Variants in PLS1 observed in about 807,000 individuals in gnomAD.
PLS1 encodes plastin-1.
Under a neutral mutation model 73.7 loss-of-function variants are expected in PLS1, and 32 were observed. The ratio of observed to expected loss-of-function variants is 0.43; its 90% confidence interval spans 0.33 to 0.58. The LOEUF is 0.58. Ranked by LOEUF, PLS1 falls within the 20% of genes least tolerant of loss-of-function variation. PLS1 has a pLI of 0.04. For missense variants in PLS1, 633 were observed against 740.5 expected (o/e 0.85, Z 1.68); for synonymous variants, 217 against 261.3 (o/e 0.83, Z 1.63).
chr3:142,676,219 A>G lies in PLS1; in HGVS notation c.427A>G (p.Lys143Glu). 6.2e-7 allele frequency: 1 copy of G among 1,612,990 alleles called. No homozygotes were observed. The highest frequency in any genetic ancestry group is 1.3e-5 in the African/African-American group (1 of 75,030). ...AGCCCTGGAGAATGACCCTGACTGT[A>G]AGCATCTTATACCCATGAATCCCAA... ...NKALENDPDCKHLIPMNPNDD... is the reference protein window; with the variant it reads ...NKALENDPDCEHLIPMNPNDD... The change falls in exon 5 of 16, where the codon AAG becomes GAG. Residue 143 changes from lysine to glutamate, a missense_variant. Transcript: ENST00000457734.
intron 6 of PLS1, among the ~76,000 whole-genome samples, chr3:142,683,424 A>G (rs2037896539): frequency 6.6e-6 from 1 of 152,234 alleles, no homozygotes; most frequent in Admixed American, 6.5e-5. Flanking sequence ...GAATGGCGTG[A>G]GCCCAGGAGG....
At chr3:142,653,163 T>C (rs1287957554) in intron 1 of PLS1, among the ~76,000 whole-genome samples, 3 of 152,204 alleles carry the variant, frequency 2.0e-5, no homozygotes, top group Non-Finnish European at 2.9e-5. Context: ...CGTGAATCTC[T>C]CTCATACCAA....
intron 1 of PLS1, among the ~76,000 whole-genome samples, chr3:142,623,790 C>G (rs971246503): frequency 5.3e-5 from 8 of 152,072 alleles, no homozygotes; most frequent in African/African-American, 1.9e-4. Context: ...TGAAAACTTT[C>G]TTCTGTAAGC....
At chr3:142,617,519 T>C (rs9856302) in intron 1 of PLS1, among the ~76,000 whole-genome samples, 96,721 of 151,904 alleles carry the variant, frequency 0.64, 32,290 homozygotes, top group African/African-American at 0.85. Flanking sequence ...GTGCTTCAGC[T>C]GTATTAATCG....
At chr3:142,696,727 AAT>A (rs1489961004) in intron 11 of PLS1, among the ~76,000 whole-genome samples, 4 of 106,254 alleles carry the variant, frequency 3.8e-5, no homozygotes, top group Non-Finnish European at 8.3e-5. Context: ...GCAAAATAAT[AAT>A]AATAATAATA....
chr3:142,633,921 T>C (rs1387503280), intron 1 of PLS1, among the ~76,000 whole-genome samples: 1 of 152,168 alleles, frequency 6.6e-6, no homozygotes, highest in Non-Finnish European at 1.5e-5. Flanking sequence ...GACAATGGCA[T>C]TAAAATGTAA....
At chr3:142,674,772 A>G (rs1470437340) in intron 4 of PLS1, among the ~76,000 whole-genome samples, 1 of 152,242 alleles carries the variant, frequency 6.6e-6, no homozygotes. Flanking sequence ...TCTGTTGCCC[A>G]GGCTGGAGTG....
At chr3:142,687,065 C>T (rs1384035134) in intron 9 of PLS1, among the ~76,000 whole-genome samples, 2 of 152,070 alleles carry the variant, frequency 1.3e-5, no homozygotes, top group Non-Finnish European at 2.9e-5. Flanking sequence ...AAGCATACTT[C>T]CTAGGAATCT....
Position 142,671,134 on chromosome 3 carries a change from C to T in PLS1, c.364+12C>T. On this transcript the variant is annotated intron_variant, in intron 4 of 15. Coordinates refer to ENST00000457734, the MANE Select transcript of PLS1 (RefSeq NM_001145319.2). ...GCATTCTTATTCAGGTAACTGACTT[C>T]TCCAAATTTGATCTTTTAGTCACTG... 1 of 1,607,962 alleles carries T rather than the reference C, an allele frequency of 6.2e-7. No individual in the cohort carries two copies. Among genetic ancestry groups the T allele is most frequent in the South Asian group, 1.1e-5 (1 of 90,510 alleles).
chr3:142,661,986 C>T (rs535051731), intron 1 of PLS1, among the ~76,000 whole-genome samples: 5 of 152,204 alleles, frequency 3.3e-5, no homozygotes, highest in Admixed American at 6.5e-5. Context: ...TTAGTTCAAC[C>T]GTTGTGGAAG....
intron 1 of PLS1, among the ~76,000 whole-genome samples, chr3:142,611,670 T>C (rs147211346): frequency 1.3e-5 from 2 of 152,312 alleles, no homozygotes; most frequent in Non-Finnish European, 2.9e-5. Flanking sequence ...ATATAGTATG[T>C]ATGTAGTGTT....
chr3:142,643,614 C>G (rs921441632), intron 1 of PLS1, among the ~76,000 whole-genome samples: 1 of 152,020 alleles, frequency 6.6e-6, no homozygotes, highest in African/African-American at 2.4e-5. Context: ...GTTCTGGGGT[C>G]CTAGTATACA....
At chr3:142,682,651 A>G (rs1482680974) in intron 6 of PLS1, among the ~76,000 whole-genome samples, 1 of 152,226 alleles carries the variant, frequency 6.6e-6, no homozygotes, top group East Asian at 1.9e-4. Context: ...GGGGAATCAC[A>G]ACTGGAGCAA....
At chr3:142,596,773 A>G (rs1025283261) in intron 1 of PLS1, among the ~76,000 whole-genome samples, 9 of 152,252 alleles carry the variant, frequency 5.9e-5, no homozygotes, top group Admixed American at 3.9e-4. Flanking sequence ...TTGTGATTCT[A>G]TGCAATGAAA....
At chr3:142,619,341 C>T (rs1344287316) in intron 1 of PLS1, 1 of 152,158 alleles carries the variant, frequency 6.6e-6, no homozygotes, top group Non-Finnish European at 1.5e-5. Context: ...CCATATGCTC[C>T]CCTGCTTCCG....
chr3:142,629,725 C>A (rs2036512962), intron 1 of PLS1, among the ~76,000 whole-genome samples: 1 of 152,164 alleles, frequency 6.6e-6, no homozygotes, highest in Non-Finnish European at 1.5e-5. Flanking sequence ...ACTCAGAGGC[C>A]TCTTGCCTCA....
chr3:142,607,738 C>G (rs2036050144), intron 1 of PLS1, among the ~76,000 whole-genome samples: 1 of 152,146 alleles, frequency 6.6e-6, no homozygotes, highest in South Asian at 2.1e-4. Context: ...TACCACATGA[C>G]ATTTAGTTAC....
chr3:142,675,832 G>C (rs1470387300), intron 4 of PLS1, among the ~76,000 whole-genome samples: 2 of 152,008 alleles, frequency 1.3e-5, no homozygotes, highest in Non-Finnish European at 2.9e-5. Flanking sequence ...GTGCCATTAT[G>C]CCTGGCTAAT....
intron 1 of PLS1, among the ~76,000 whole-genome samples, chr3:142,598,915 C>T (rs548304876): frequency 1.3e-5 from 2 of 151,692 alleles, no homozygotes; most frequent in African/African-American, 2.4e-5. Context: ...GCAGGAGAAT[C>T]GCATGAACCC....
Sources: allele counts gnomAD v4.1 joint callset (sites outside exome capture counted in the v4.1 genomes callset), GRCh38; gene constraint gnomAD v4.1.1; transcripts MANE v1.5; gene names NCBI Gene and HGNC (gene_info 2026-07-23, HGNC 2026-07-21).